The following TET2 variants were observed in gnomAD, a reference collection of about 807,000 sequenced individuals.
TET2 encodes tet methylcytosine dioxygenase 2.
TET2 carries 299 observed loss-of-function variants against 142.9 expected under a neutral mutation model. That is an observed-to-expected ratio of 2.09 (90% confidence interval 1.90 to 2.30). TET2 has a LOEUF of 2.30. Among genes scored for constraint, TET2 ranks in the 30% most tolerant of loss-of-function variants. The pLI, the probability that TET2 is intolerant of heterozygous loss-of-function variation, is 0.00. For synonymous variants in TET2, 819 were observed against 849.0 expected (o/e 0.96, Z 0.61); for missense variants, 2,418 against 2,378.0 (o/e 1.02, Z -0.35).
chr4:105,219,724 G>A (rs925267473), intron 2 of TET2, among the ~76,000 whole-genome samples: 49 of 151,984 alleles, frequency 3.2e-4, no homozygotes, highest in African/African-American at 1.1e-3. Context: ...AAAGAATTAT[G>A]CATTGATTAA....
At chr4:105,264,225 C>G (rs1730583981) in intron 8 of TET2, among the ~76,000 whole-genome samples, 1 of 151,740 alleles carries the variant, frequency 6.6e-6, no homozygotes, top group African/African-American at 2.4e-5. Context: ...TTTTTAAACA[C>G]TATTAATAGT....
At chr4:105,163,846 AGAGAGAGAGTGT>A (rs1263496158) in intron 1 of TET2, among the ~76,000 whole-genome samples, 79 of 116,096 alleles carry the variant, frequency 6.8e-4, no homozygotes, top group East Asian at 8.7e-4. Flanking sequence ...AGAGAGAGAG[AGAGAGAGAGTGT>A]GTGTGTGTGT....
Position 105,275,438 on chromosome 4 carries a change from C to T in TET2, c.4928C>T (p.Ser1643Phe), listed in dbSNP as rs1560573443. The T allele has an allele frequency of 6.4e-7, 1 of 1,551,648 alleles. No individual in the cohort carries two copies. Among genetic ancestry groups the T allele is most frequent in the East Asian group, 2.4e-5 (1 of 40,924 alleles). ...GGAAACCTATCAGTGGACAACTGCT[C>T]CCCATATCTGGGTTCCTATTCTCCC... ...CNGNLSVDNCSPYLGSYSPQS... is the reference protein window; with the variant it reads ...CNGNLSVDNCFPYLGSYSPQS... Residue 1643 changes from serine (S) to phenylalanine (F), a missense_variant, in exon 11 of 11, where the codon TCC (serine) becomes TTC (phenylalanine). Ser to Phe is a radical substitution (Grantham distance 155, BLOSUM62 -2). Coordinates refer to ENST00000380013, the MANE Select transcript of TET2 (RefSeq NM_001127208.3).
intron 6 of TET2, among the ~76,000 whole-genome samples, chr4:105,248,565 AC>A (rs1476150830): frequency 6.6e-6 from 1 of 152,198 alleles, no homozygotes; most frequent in Non-Finnish European, 1.5e-5. Flanking sequence ...TATTTGAAAG[AC>A]CCCTATCAAA....
intron 7 of TET2, among the ~76,000 whole-genome samples, chr4:105,261,229 C>T (rs1730410703): frequency 6.6e-6 from 1 of 152,050 alleles, no homozygotes; most frequent in South Asian, 2.1e-4. Flanking sequence ...TTTCCCCTTT[C>T]AAGTAAATTC....
At chr4:105,245,310 T>C (rs921693897) in intron 6 of TET2, among the ~76,000 whole-genome samples, 2 of 152,086 alleles carry the variant, frequency 1.3e-5, no homozygotes, top group African/African-American at 2.4e-5. Flanking sequence ...TATAAACTTA[T>C]GATGGACTAC....
chr4:105,259,492 A>T, intron 6 of TET2, 127 bp from the exon 7 acceptor site: 1 of 835,570 alleles, frequency 1.2e-6, no homozygotes, highest in Non-Finnish European at 1.8e-6. Context: ...TGGTTATGCC[A>T]CAGCTTAATA....
Position 105,277,668 on chromosome 4 carries a change from T to G in TET2, c.*1149T>G. The G allele has an allele frequency of 4.4e-6, 1 of 229,704 alleles. No individual in the cohort carries two copies. The highest frequency in any genetic ancestry group is 6.2e-5 in the East Asian group (1 of 16,096). 14.2% of individuals were successfully genotyped at this position (229,704 alleles called of 1,614,324 possible). On this transcript the variant is annotated 3_prime_UTR_variant, in exon 11 of 11. Coordinates refer to ENST00000380013, the MANE Select transcript of TET2 (RefSeq NM_001127208.3). ...ATACGTTAGTCCACAAAACATGTTTTCTGGTGCTCATCTCACATGCTATAC... is the reference window on the plus strand; with the variant it reads ...ATACGTTAGTCCACAAAACATGTTTGCTGGTGCTCATCTCACATGCTATAC...
chr4:105,257,990 T>TAG (rs1730225263), intron 6 of TET2, among the ~76,000 whole-genome samples: 1 of 152,000 alleles, frequency 6.6e-6, no homozygotes, highest in Admixed American at 6.6e-5. Context: ...CCAACCAGTC[T>TAG]AGAGTATATC....
chr4:105,189,636 A>G lies in TET2; in HGVS notation c.-192-724A>G, dbSNP rs138246104. 2.2e-3 allele frequency among the ~76,000 whole-genome samples: 334 copies of G among 152,244 alleles called. 3 individuals carry two copies. Among genetic ancestry groups the G allele is most frequent in the African/African-American group, 7.6e-3 (316 of 41,550 alleles). Reference sequence around the variant, plus strand: ...CTACTCCCTTTTATCAGTGCATGTCATCTCCACTTATTTGTAGCACCCAAT... The same window carrying G: ...CTACTCCCTTTTATCAGTGCATGTCGTCTCCACTTATTTGTAGCACCCAAT... On this transcript the variant is annotated intron_variant, in intron 1 of 10. Transcript: ENST00000380013.
intron 2 of TET2, among the ~76,000 whole-genome samples, chr4:105,203,751 C>A (rs1726621572): frequency 6.6e-6 from 1 of 152,116 alleles, no homozygotes; most frequent in Non-Finnish European, 1.5e-5. Context: ...TTATTAACAA[C>A]CTTGAGGAAA....
intron 1 of TET2, among the ~76,000 whole-genome samples, chr4:105,179,610 A>T (rs891853923): frequency 6.6e-6 from 1 of 152,234 alleles, no homozygotes; most frequent in Non-Finnish European, 1.5e-5. Context: ...CATTTGGGAA[A>T]TGAGTGCTTA....
rs1164604976 is a variant in TET2, at chr4:105,243,852, A to G, written c.3803+74A>G. 34 of 1,370,450 alleles carry G rather than the reference A, an allele frequency of 2.5e-5. No homozygotes were observed. The East Asian group carries it at 3.3e-4, about 13-fold the overall frequency. 84.9% of individuals were successfully genotyped at this position (1,370,450 alleles called of 1,614,324 possible). A position where few individuals can be genotyped will look rare whatever the true frequency, so the allele number is the denominator to read the frequency against. On this transcript the variant is annotated intron_variant, in intron 6 of 10. Transcript: ENST00000380013. The stretch of plus-strand genomic sequence containing the variant: ...AGCCCAATCTTTGGTTGAAAGGAAG[A>G]GAGTTCAGCGTGCACTTTTACATTT...
At chr4:105,259,126 C>T (rs917820682) in intron 6 of TET2, among the ~76,000 whole-genome samples, 3 of 152,122 alleles carry the variant, frequency 2.0e-5, no homozygotes, top group Non-Finnish European at 4.4e-5. Context: ...TGGCACACAC[C>T]TATAGTTCCA....
chr4:105,190,433 G>A lies in TET2; in HGVS notation c.-119G>A, dbSNP rs1434251260. ...TTGCTCCTGTTGAGTTACAACGCTT[G>A]GAAGCAGGAGATGGGCTCAGCAGCA... On this transcript the variant is annotated 5_prime_UTR_variant, in exon 2 of 11. Coordinates refer to ENST00000380013, the MANE Select transcript of TET2 (RefSeq NM_001127208.3). The A allele has an allele frequency of 5.7e-6, 4 of 701,310 alleles. No homozygotes were observed. Among genetic ancestry groups the A allele is most frequent in the Non-Finnish European group, 5.2e-6 (2 of 384,518 alleles). The allele number at this position is 701,310 out of a possible 1,614,324, so 43.4% of individuals were successfully genotyped here. A position where few individuals can be genotyped will look rare whatever the true frequency, so the allele number is the denominator to read the frequency against.
At chr4:105,169,133 A>G (rs1724316770) in intron 1 of TET2, among the ~76,000 whole-genome samples, 2 of 152,148 alleles carry the variant, frequency 1.3e-5, no homozygotes, top group African/African-American at 2.4e-5. Flanking sequence ...TGGTAGTTGT[A>G]CTTTTAGTTA....
intron 1 of TET2, among the ~76,000 whole-genome samples, chr4:105,189,422 A>G (rs554522029): frequency 1.3e-5 from 2 of 152,300 alleles, no homozygotes; most frequent in Admixed American, 6.5e-5. Flanking sequence ...AAAACTCTTT[A>G]GATTCTGTTT....
intron 2 of TET2, among the ~76,000 whole-genome samples, chr4:105,205,756 C>T (rs1264290011): frequency 3.3e-5 from 5 of 152,034 alleles, no homozygotes; most frequent in East Asian, 1.9e-4. Flanking sequence ...CTCAGCCTCC[C>T]GAGTAGCTGG....
chr4:105,269,649 C>CTGAAGGAAGGCCGTCCAT lies in TET2; in HGVS notation c.4086_4103dup (p.Leu1362_Pro1367dup). On this transcript the variant is annotated inframe_insertion, in exon 9 of 11. Transcript: ENST00000380013. ...CAGAGCACCAGAGTGCCGTCTGGGT[C>CTGAAGGAAGGCCGTCCAT]TGAAGGAAGGCCGTCCATTCTCAGG... 1 of 1,551,614 alleles carries CTGAAGGAAGGCCGTCCAT rather than the reference C, an allele frequency of 6.4e-7. No individual in the cohort carries two copies. Among genetic ancestry groups the CTGAAGGAAGGCCGTCCAT allele is most frequent in the Non-Finnish European group, 8.7e-7 (1 of 1,146,946 alleles).
Sources: allele counts gnomAD v4.1 joint callset (sites outside exome capture counted in the v4.1 genomes callset), GRCh38; gene constraint gnomAD v4.1.1; transcripts MANE v1.5; gene names NCBI Gene and HGNC (gene_info 2026-07-23, HGNC 2026-07-21).